KIF1B: variants seen among roughly 807,000 people sequenced by gnomAD.
The protein encoded by KIF1B is kinesin-like protein KIF1B.
KIF1B carries 76 observed loss-of-function variants against 241.9 expected under a neutral mutation model. The ratio of observed to expected loss-of-function variants is 0.31; its 90% CI spans 0.26 to 0.38. The LOEUF (loss-of-function observed/expected upper bound fraction) is 0.38, where lower values mean the gene tolerates loss of function less well. Ranked by LOEUF, KIF1B falls within the 10% of genes least tolerant of loss-of-function variation. The probability of loss-of-function intolerance (pLI) is 1.00; values close to 1 mark genes in which losing one functional copy is unlikely to be tolerated. For synonymous variants in KIF1B, 750 were observed against 796.7 expected, an observed-to-expected ratio of 0.94 and a Z score of 0.99; for missense variants, 1,622 against 2,271.4, an observed-to-expected ratio of 0.71 and a Z score of 5.81.
At chr1:10,256,365 T>G in intron 3 of KIF1B, 42 bp downstream of exon 3, 1 of 1,312,022 alleles carries the variant, frequency 7.6e-7, no homozygotes, top group Non-Finnish European at 1.1e-6. Flanking sequence ...TCCTGCCTCC[T>G]TTCCTCTTTC....
chr1:10,252,617 G>T (rs369739390), intron 2 of KIF1B, among the ~76,000 whole-genome samples: 1 of 151,826 alleles, frequency 6.6e-6, no homozygotes. Flanking sequence ...TCACCATGTT[G>T]CCCAGGCTGG....
intron 27 of KIF1B, among the ~76,000 whole-genome samples, chr1:10,333,648 C>A (rs1450136217): frequency 6.6e-6 from 1 of 151,732 alleles, no homozygotes; most frequent in African/African-American, 2.4e-5. Context: ...GCCGAGACTG[C>A]ACCACTGCAT....
At position 10,252,995 on chromosome 1, in the gene KIF1B, G is replaced by T. The variant is rs534442294; in HGVS notation, c.107-3252G>T. ...CCACCTCAGCCTCCCAAAGTACTGG[G>T]ATTACAGATGTGAGCCACTGTGCCT... is the stretch of plus-strand genomic sequence containing the variant. On this transcript the variant is annotated intron_variant, in intron 2 of 48. Transcript: ENST00000676179. Among the ~76,000 whole-genome samples the T allele has an allele frequency of 1.1e-3, 173 of 152,244 alleles. 1 individual carries two copies. Among genetic ancestry groups the T allele is most frequent in the African/African-American group, 3.8e-3 (159 of 41,534 alleles).
chr1:10,320,192 A>G, intron 23 of KIF1B, 56 bp downstream of exon 23: 3 of 1,215,312 alleles, frequency 2.5e-6, no homozygotes, highest in Non-Finnish European at 3.6e-6. Flanking sequence ...TTATATTATC[A>G]AATTAGTCAT....
At chr1:10,343,165 C>T (rs754845417) in intron 33 of KIF1B, 67 bp from the exon 34 acceptor site, 10 of 1,535,808 alleles carry the variant, frequency 6.5e-6, no homozygotes, top group Admixed American at 1.7e-5. Context: ...CAGTCCAGCA[C>T]AAAGGGGAGA....
intron 27 of KIF1B, among the ~76,000 whole-genome samples, chr1:10,329,587 G>T (rs928920822): frequency 6.6e-6 from 1 of 152,106 alleles, no homozygotes; most frequent in Non-Finnish European, 1.5e-5. Flanking sequence ...ACAAATATTA[G>T]CCAGGCATGG....
rs764604859 is a variant in KIF1B, at chr1:10,361,725, A to G, written c.4204A>G (p.Lys1402Glu). 3 of 1,613,866 alleles carry G rather than the reference A, an allele frequency of 1.9e-6. No homozygotes were observed. Among genetic ancestry groups the G allele is most frequent in the Non-Finnish European group, 2.5e-6 (3 of 1,180,012 alleles). ...TTGCATCCAGCCGGCTGTCATCACC[A>G]AGGATGTGTGCATGGTCTTCTACTC... ...DHCIQPAVIT[K>E]DVCMVFYSRD... The change falls in exon 40 of 49, where the codon AAG (lysine) becomes GAG (glutamate). Residue 1402 changes from lysine to glutamate, a missense_variant. Physicochemically the swap from Lys to Glu is moderately conservative, Grantham distance 56. This residue lies in a region of KIF1B where 803 missense variants were observed against 1,112.0 expected (regional missense o/e 0.72). Coordinates refer to ENST00000676179, the MANE Select transcript of KIF1B (RefSeq NM_001365951.3).
intron 5 of KIF1B, 109 bp from the exon 6 acceptor site, chr1:10,267,271 G>A (rs533469554): frequency 1.9e-5 from 16 of 845,504 alleles, no homozygotes; most frequent in African/African-American, 6.7e-5. Flanking sequence ...CAAGTGATCC[G>A]CCCTCCTTGG....
intron 38 of KIF1B, 70 bp downstream of exon 38, chr1:10,352,806 T>C (rs1313323103): frequency 1.9e-6 from 2 of 1,073,578 alleles, no homozygotes; most frequent in East Asian, 2.4e-5. Flanking sequence ...TTAGGTGCCT[T>C]ATTCATTAAT....
chr1:10,277,109 A>G (rs1649156873), intron 12 of KIF1B, among the ~76,000 whole-genome samples: 2 of 151,808 alleles, frequency 1.3e-5, no homozygotes, highest in South Asian at 2.1e-4. Context: ...TTCTGAAGTC[A>G]TAATAAGTAA....
chr1:10,336,978 T>A lies in KIF1B; in HGVS notation c.3130-96T>A, dbSNP rs886264407. ...TCAGTCCATATAATTTTCCAGTCAC[T>A]ATTATTTGTTGGACAGATAAACAGA... On this transcript the variant is annotated intron_variant, in intron 29 of 48. Transcript: ENST00000676179. 99 of 1,520,440 alleles carry A rather than the reference T, an allele frequency of 6.5e-5. No homozygotes were observed. In the African/African-American group the frequency reaches 1.1e-3, roughly 16 times the overall value. 94.2% of individuals were successfully genotyped at this position (1,520,440 alleles called of 1,614,324 possible).
At chr1:10,291,263 C>A in intron 16 of KIF1B, 102 bp downstream of exon 16, 1 of 899,710 alleles carries the variant, frequency 1.1e-6, no homozygotes, top group Non-Finnish European at 1.7e-6. Flanking sequence ...AAAGAGTCTG[C>A]CCTTCTAAAA....
At chr1:10,271,435 C>A in intron 7 of KIF1B, 67 bp from the exon 8 acceptor site, 1 of 1,119,908 alleles carries the variant, frequency 8.9e-7, no homozygotes, top group Non-Finnish European at 1.4e-6. Flanking sequence ...AGCATTCTGC[C>A]TCTAAATATT....
At chr1:10,294,906 T>G (rs1490726230) in intron 17 of KIF1B, among the ~76,000 whole-genome samples, 180 bp from the exon 18 acceptor site, 1 of 152,094 alleles carries the variant, frequency 6.6e-6, no homozygotes, top group Non-Finnish European at 1.5e-5. Context: ...TTGGTTCCGT[T>G]TGGTGAGGCC....
intron 1 of KIF1B, among the ~76,000 whole-genome samples, chr1:10,224,219 C>T (rs563290352): frequency 2.1e-4 from 32 of 152,216 alleles, no homozygotes; most frequent in Middle Eastern, 3.4e-3. Context: ...CGGGTTTAAG[C>T]GGTTCTCCTG....
rs1004479003 is a variant in KIF1B, at chr1:10,319,920, T to C, written c.2116-123T>C. ...TGTATGTCTTTTTATTATTGTTTCC[T>C]GCCTTTGTCTCTTTTCCTTGTCCTT... On this transcript the variant is annotated intron_variant, in intron 22 of 48. Coordinates refer to ENST00000676179, the MANE Select transcript of KIF1B (RefSeq NM_001365951.3). The C allele has an allele frequency of 4.3e-6, 3 of 691,208 alleles. No individual in the cohort carries two copies. In the African/African-American group the frequency reaches 5.4e-5, roughly 12 times the overall value. The allele number at this position is 691,208 out of a possible 1,614,324, so 42.8% of individuals were successfully genotyped here. A position where few individuals can be genotyped will look rare whatever the true frequency, so the allele number is the denominator to read the frequency against.
chr1:10,296,387 C>T (rs1650262553), intron 19 of KIF1B, among the ~76,000 whole-genome samples, 195 bp from the exon 20 acceptor site: 1 of 152,078 alleles, frequency 6.6e-6, no homozygotes, highest in Non-Finnish European at 1.5e-5. Context: ...TTGTGTTAGC[C>T]ATGGCCACAG....
intron 1 of KIF1B, among the ~76,000 whole-genome samples, chr1:10,221,124 G>A: frequency 8.0e-6 from 1 of 124,380 alleles, no homozygotes; most frequent in Non-Finnish European, 1.6e-5. Flanking sequence ...TTGACATGGA[G>A]TCTCGCTCTG....
At chr1:10,247,271 C>T (rs1005634626) in intron 2 of KIF1B, among the ~76,000 whole-genome samples, 40 of 152,192 alleles carry the variant, frequency 2.6e-4, no homozygotes, top group Non-Finnish European at 1.2e-4. Context: ...ATTGTTTGCC[C>T]ACCTGGCTAT....
Sources: allele counts gnomAD v4.1 joint callset (sites outside exome capture counted in the v4.1 genomes callset), GRCh38; gene constraint gnomAD v4.1.1; regional missense constraint gnomAD v4.1.1; transcripts MANE v1.5; gene names NCBI Gene and HGNC (gene_info 2026-07-23, HGNC 2026-07-21).